The following LZTFL1 variants were observed in gnomAD, a reference collection of about 807,000 sequenced individuals.
LZTFL1 encodes the protein leucine zipper transcription factor-like protein 1.
LZTFL1 carries 25 observed loss-of-function variants against 45.9 expected under a neutral mutation model. That is an observed-to-expected ratio of 0.54 (90% CI 0.40 to 0.76). The LOEUF (loss-of-function observed/expected upper bound fraction) is 0.76. Among genes scored for constraint, LZTFL1 ranks in the 30% least tolerant of loss-of-function variants. LZTFL1 has a pLI of 0.00. For missense variants in LZTFL1, 277 were observed against 331.1 expected (o/e 0.84, Z 1.27); for synonymous variants, 93 against 117.4 (o/e 0.79, Z 1.35).
At position 45,828,656 on chromosome 3, in the gene LZTFL1, T is replaced by C. The variant is rs767141750; in HGVS notation, c.601-41A>G. On this transcript the variant is annotated intron_variant, in intron 7 of 9. Transcript: ENST00000296135. ...GCATGCATGTAATTTCATGTTGATA[T>C]TCTAAAAATAACTGTTTTAGAATGG... 7.4e-6 allele frequency: 11 copies of C among 1,490,412 alleles called. No individual in the cohort carries two copies. The South Asian group carries it at 1.3e-4, about 18-fold the overall frequency. The allele number at this position is 1,490,412 out of a possible 1,614,324, so 92.3% of individuals were successfully genotyped here.
At chr3:45,888,990 G>A (rs892516600) in intron 2 of LZTFL1, among the ~76,000 whole-genome samples, 4 of 152,048 alleles carry the variant, frequency 2.6e-5, no homozygotes, top group African/African-American at 9.7e-5. Flanking sequence ...TATACTATTT[G>A]TTTATTTATT....
At chr3:45,871,119 T>C (rs572604070) in intron 2 of LZTFL1, among the ~76,000 whole-genome samples, 4 of 152,368 alleles carry the variant, frequency 2.6e-5, no homozygotes, top group African/African-American at 9.6e-5. Context: ...TTGATGAACA[T>C]GTAGGTGGTA....
intron 9 of LZTFL1, 199 bp downstream of exon 9, chr3:45,827,157 T>A (rs563966531): frequency 2.7e-5 from 15 of 554,184 alleles, no homozygotes; most frequent in Non-Finnish European, 4.7e-5. Context: ...AAGGCCTAGA[T>A]GAACCTAAAA....
intron 2 of LZTFL1, among the ~76,000 whole-genome samples, chr3:45,871,977 C>A (rs942241516): frequency 1.3e-5 from 2 of 152,198 alleles, no homozygotes; most frequent in African/African-American, 2.4e-5. Flanking sequence ...CAGCCTGTGG[C>A]CCCCACCTGG....
chr3:45,838,601 A>G (rs1311459998), intron 1 of LZTFL1, among the ~76,000 whole-genome samples: 2 of 152,220 alleles, frequency 1.3e-5, no homozygotes, highest in Admixed American at 6.5e-5. Context: ...AGCTTTAACA[A>G]GTATATTTGA....
chr3:45,825,237 A>C lies in LZTFL1; in HGVS notation c.*1077T>G, dbSNP rs953851863. The C allele has an allele frequency of 9.7e-6, 2 of 206,736 alleles. No homozygotes were observed. Among genetic ancestry groups the C allele is most frequent in the African/African-American group, 4.6e-5 (2 of 43,722 alleles). 12.8% of individuals were successfully genotyped at this position (206,736 alleles called of 1,614,324 possible). A position where few individuals can be genotyped will look rare whatever the true frequency, so the allele number is the denominator to read the frequency against. ...TTTTAGAAGCAGGAAAAATTACTAA[A>C]TATTAATATGTGAAAAGTAAGGACT... On this transcript the variant is annotated 3_prime_UTR_variant, in exon 10 of 10. Coordinates refer to ENST00000296135, the MANE Select transcript of LZTFL1 (RefSeq NM_020347.4).
chr3:45,908,726 A>G (rs938752613), intron 2 of LZTFL1, among the ~76,000 whole-genome samples: 3 of 152,192 alleles, frequency 2.0e-5, no homozygotes, highest in African/African-American at 7.2e-5. Flanking sequence ...GTGTCCATGC[A>G]TGCAATTGGT....
In LZTFL1 at chr3:45,885,020, A is replaced by G. The variant is rs533030599; in HGVS notation, c.-214-26004T>C. ...CCGTTCCTTAAGGCTGATGAATCAG[A>G]CACCTCTTTCGTTCTTACTGTGCAT... On this transcript the variant is annotated intron_variant, in intron 2 of 4. Transcript: ENST00000472635. Among the ~76,000 whole-genome samples the G allele has an allele frequency of 4.6e-5, 7 of 152,232 alleles. No individual in the cohort carries two copies. In the East Asian group the frequency reaches 1.4e-3, roughly 29 times the overall value.
chr3:45,843,606 G>A (rs984236565), upstream of LZTFL1, among the ~76,000 whole-genome samples: 4 of 152,194 alleles, frequency 2.6e-5, no homozygotes, highest in Admixed American at 6.5e-5. Flanking sequence ...TACATTTGTG[G>A]CTTGGGGATT....
chr3:45,897,661 G>A (rs1443141084), intron 2 of LZTFL1: 1 of 1,488,996 alleles, frequency 6.7e-7, no homozygotes, highest in South Asian at 1.2e-5. Flanking sequence ...AGTGATGCTG[G>A]CCTTCCCACC....
intron 2 of LZTFL1, among the ~76,000 whole-genome samples, chr3:45,899,417 TAA>T (rs1320399208): frequency 6.6e-6 from 1 of 152,230 alleles, no homozygotes. Context: ...TATTTAAATA[TAA>T]ACATTCAAGT....
At chr3:45,880,317 C>A (rs2125725651) in intron 2 of LZTFL1, among the ~76,000 whole-genome samples, 1 of 152,260 alleles carries the variant, frequency 6.6e-6, no homozygotes, top group Middle Eastern at 3.4e-3. Context: ...GCCTGGCCCA[C>A]ATGCTAAAAC....
chr3:45,856,140 A>G (rs1334950022), intron 3 of LZTFL1, among the ~76,000 whole-genome samples: 1 of 152,142 alleles, frequency 6.6e-6, no homozygotes, highest in East Asian at 1.9e-4. Flanking sequence ...AAACTATACT[A>G]CAAGGCTACA....
chr3:45,828,604 C>T lies in LZTFL1; in HGVS notation c.612G>A (p.Lys204=), dbSNP rs1700731357. Residue 204 remains lysine, a synonymous_variant, in exon 8 of 10, where the codon AAG becomes AAA. Transcript: ENST00000296135. ...TTTCTAAGTTACTTAAGTCTTGGGC[C>T]TTTATAAAATCCTATGAAAAATAAA... ...LDQGNQKDFI[K]AQDLSNLENT... is the part of the protein sequence containing the mutation. 1 of 1,607,342 alleles carries T rather than the reference C, an allele frequency of 6.2e-7. No homozygotes were observed. Among genetic ancestry groups the T allele is most frequent in the Admixed American group, 1.7e-5 (1 of 57,870 alleles).
At chr3:45,875,254 G>A (rs554232884) in intron 2 of LZTFL1, among the ~76,000 whole-genome samples, 8 of 152,026 alleles carry the variant, frequency 5.3e-5, no homozygotes, top group Non-Finnish European at 7.4e-5. Flanking sequence ...GTTCATTACC[G>A]TATTCTTAGT....
At chr3:45,835,883 A>T in intron 2 of LZTFL1, 99 bp from the exon 3 acceptor site, 1 of 734,194 alleles carries the variant, frequency 1.4e-6, no homozygotes, top group Non-Finnish European at 2.2e-6. Flanking sequence ...AATCTAAGAA[A>T]TTCAAAGATT....
chr3:45,860,076 T>C (rs1249601859), intron 2 of LZTFL1, among the ~76,000 whole-genome samples: 3 of 152,048 alleles, frequency 2.0e-5, no homozygotes, highest in Non-Finnish European at 2.9e-5. Flanking sequence ...AAGAAAAATT[T>C]AATGTAGATT....
chr3:45,908,695 C>A (rs1702729664), intron 2 of LZTFL1, among the ~76,000 whole-genome samples: 1 of 152,226 alleles, frequency 6.6e-6, no homozygotes, highest in African/African-American at 2.4e-5. Context: ...TGTGGGACAT[C>A]ACTGTCAACT....
At chr3:45,903,664 G>A (rs1425926503) in intron 2 of LZTFL1, among the ~76,000 whole-genome samples, 1 of 152,222 alleles carries the variant, frequency 6.6e-6, no homozygotes, top group Non-Finnish European at 1.5e-5. Flanking sequence ...GAGCAGACAT[G>A]GGCAGCAGCC....
Sources: gnomAD v4.1 joint callset for allele counts (sites outside exome capture counted in the v4.1 genomes callset) on GRCh38, gnomAD v4.1.1 for gene constraint, MANE v1.5 for transcripts, NCBI Gene and HGNC (gene_info 2026-07-23, HGNC 2026-07-21) for gene names.